Variants in CTSS observed in about 807,000 individuals in gnomAD.
The protein encoded by CTSS is cathepsin S.
CTSS carries 15 observed loss-of-function variants against 39.9 expected under a neutral mutation model. The ratio of observed to expected loss-of-function variants is 0.38; its 90% CI spans 0.25 to 0.58. CTSS has a LOEUF of 0.58. Ranked by LOEUF, CTSS falls within the 20% of genes least tolerant of loss-of-function variation. CTSS has a pLI of 0.70. For missense variants in CTSS, 250 were observed against 398.2 expected (o/e 0.63, Z 3.17); for synonymous variants, 126 against 138.2 (o/e 0.91, Z 0.62).
intron 7 of CTSS, among the ~76,000 whole-genome samples, chr1:150,743,611 TATATATGTATATTATGTATACATA>T: frequency 1.1e-5 from 1 of 93,850 alleles, no homozygotes; most frequent in Non-Finnish European, 2.3e-5. Context: ...CATAATATAT[TATATATGTATATTATGTATACATA>T]ATATATTATA....
chr1:150,733,293 A>C lies in CTSS; in HGVS notation c.897-148T>G, dbSNP rs1369486700. The stretch of plus-strand genomic sequence containing the variant: ...AATGAAATAAGGTAATAATTTCTCC[A>C]GGGATTTCAGGTAACTCAAAATAAT... On this transcript the variant is annotated intron_variant, in intron 7 of 7. Transcript: ENST00000368985. The C allele has an allele frequency of 5.1e-6, 3 of 586,688 alleles. No homozygotes were observed. In the East Asian group the frequency reaches 9.0e-5, roughly 18 times the overall value. 36.3% of individuals were successfully genotyped at this position (586,688 alleles called of 1,614,324 possible). A position where few individuals can be genotyped will look rare whatever the true frequency, so the allele number is the denominator to read the frequency against.
Position 150,730,902 on chromosome 1 carries a change from CTT to C in CTSS, c.*2142_*2143del, listed in dbSNP as rs1266520874. 6.6e-6 allele frequency: 1 copy of C among 151,876 alleles called. No individual in the cohort carries two copies. The highest frequency in any genetic ancestry group is 1.5e-5 in the Non-Finnish European group (1 of 68,016). The allele number at this position is 151,876 out of a possible 1,614,324, so 9.4% of individuals were successfully genotyped here. ...GCATATTAATATATAACAAACTTATCTTTTAACATTTTAATAACTGTATTTCG... is the reference window on the plus strand; with the variant it reads ...GCATATTAATATATAACAAACTTATCTTAACATTTTAATAACTGTATTTCG... On this transcript the variant is annotated 3_prime_UTR_variant, in exon 8 of 8. Transcript: ENST00000368985.
intron 3 of CTSS, among the ~76,000 whole-genome samples, 176 bp downstream of exon 3, chr1:150,757,682 A>G (rs1653162016): frequency 6.6e-6 from 1 of 152,222 alleles, no homozygotes; most frequent in South Asian, 2.1e-4. Context: ...CAGTCAAAAT[A>G]GAACTAAGTA....
Position 150,762,798 on chromosome 1 carries a change from G to A in CTSS, c.126+1840C>T, listed in dbSNP as rs587738678. Among the ~76,000 whole-genome samples the A allele has an allele frequency of 7.1e-4, 108 of 152,244 alleles. 1 individual carries two copies. Among genetic ancestry groups the A allele is most frequent in the Admixed American group, 1.5e-3 (23 of 15,294 alleles). ...AGTGTTGGTGAGGATGTGGAGAAAA[G>A]GGAACCCTCATACACTTTTAGTAGG... On this transcript the variant is annotated intron_variant, in intron 2 of 7. Transcript: ENST00000368985.
intron 6 of CTSS, 24 bp downstream of exon 6, chr1:150,749,982 A>G (rs1652976617): frequency 6.4e-7 from 1 of 1,566,498 alleles, no homozygotes; most frequent in South Asian, 1.1e-5. Flanking sequence ...TTAAATTCTA[A>G]TTATTGTTTA....
chr1:150,765,237 A>G (rs1653347059), intron 1 of CTSS, among the ~76,000 whole-genome samples: 1 of 151,804 alleles, frequency 6.6e-6, no homozygotes, highest in Non-Finnish European at 1.5e-5. Flanking sequence ...TTAAAAGACA[A>G]TTCTCATCTA....
At chr1:150,757,719 C>A (rs1653163220) in intron 3 of CTSS, 139 bp downstream of exon 3, 12 of 686,760 alleles carry the variant, frequency 1.7e-5, no homozygotes, top group Middle Eastern at 3.6e-4. Flanking sequence ...GTTCTTACGT[C>A]CTTCAATTCT....
At chr1:150,756,441 C>T (rs186789845) in intron 3 of CTSS, among the ~76,000 whole-genome samples, 4 of 152,288 alleles carry the variant, frequency 2.6e-5, no homozygotes, top group Admixed American at 2.6e-4. Context: ...GCATTTTGTA[C>T]TGTGCAAAAT....
intron 2 of CTSS, among the ~76,000 whole-genome samples, chr1:150,760,042 A>T (rs587675716): frequency 5.3e-5 from 8 of 152,178 alleles, no homozygotes; most frequent in Non-Finnish European, 7.4e-5. Context: ...AAAAAAAAAA[A>T]GAAGTGCACT....
At chr1:150,750,233 C>G in intron 5 of CTSS, 62 bp from the exon 6 acceptor site, 1 of 1,319,934 alleles carries the variant, frequency 7.6e-7, no homozygotes, top group Non-Finnish European at 1.0e-6. Context: ...TCACCTGTAT[C>G]CTAAGCCTGG....
rs1571101571 is a variant in CTSS, at chr1:150,751,928, C to T, written c.480G>A (p.Val160=). ...CCACCAGGTTCTGGGCACTGAGAGA[C>T]ACCAGCTTTCCTGTTTTCAGCTTCA... is the stretch of plus-strand genomic sequence containing the variant. The part of the protein sequence containing the change: ...AQLKLKTGKL[V]SLSAQNLVDC... Residue 160 remains valine, a synonymous_variant, in exon 5 of 8, where the codon GTG becomes GTA. Transcript: ENST00000368985. 1.2e-6 allele frequency: 2 copies of T among 1,614,214 alleles called. No individual in the cohort carries two copies. The highest frequency in any genetic ancestry group is 1.7e-6 in the Non-Finnish European group (2 of 1,180,036).
intron 2 of CTSS, among the ~76,000 whole-genome samples, chr1:150,763,104 T>TAA (rs202184518): frequency 6.8e-6 from 1 of 146,184 alleles, no homozygotes; most frequent in Non-Finnish European, 1.5e-5. Context: ...TATTTAGCCT[T>TAA]AAAAAAAAAA....
At chr1:150,743,709 T>A (rs868249232) in intron 7 of CTSS, among the ~76,000 whole-genome samples, 16 of 63,668 alleles carry the variant, frequency 2.5e-4, no homozygotes, top group Non-Finnish European at 3.7e-4. Context: ...CATAATATAT[T>A]ATATATTATA....
chr1:150,762,118 A>C (rs191692495), intron 2 of CTSS, among the ~76,000 whole-genome samples: 1 of 152,330 alleles, frequency 6.6e-6, no homozygotes, highest in East Asian at 1.9e-4. Flanking sequence ...CCCAGAAATA[A>C]CCTGCAACTT....
At chr1:150,743,464 G>A (rs1038591077) in intron 7 of CTSS, among the ~76,000 whole-genome samples, 31 of 143,720 alleles carry the variant, frequency 2.2e-4, no homozygotes, top group Non-Finnish European at 4.2e-4. Flanking sequence ...GGTGGCTCAC[G>A]CCTGTAATCC....
chr1:150,737,130 T>C (rs1652652901), intron 7 of CTSS, among the ~76,000 whole-genome samples: 1 of 152,040 alleles, frequency 6.6e-6, no homozygotes, highest in South Asian at 2.1e-4. Flanking sequence ...GAGACGGAGT[T>C]TCACTCTTGT....
At chr1:150,738,772 G>A (rs1197990541) in intron 7 of CTSS, among the ~76,000 whole-genome samples, 1 of 152,024 alleles carries the variant, frequency 6.6e-6, no homozygotes, top group Non-Finnish European at 1.5e-5. Context: ...CATATAAGAT[G>A]GTGAACTTAA....
Position 150,764,645 on chromosome 1 carries a change from T to C in CTSS, c.119A>G (p.Lys40Arg), listed in dbSNP as rs944738891. 6.2e-7 allele frequency: 1 copy of C among 1,614,044 alleles called. No individual in the cohort carries two copies. Residue 40 changes from lysine (K) to arginine (R), a missense_variant, in exon 2 of 8, where the codon AAG (lysine) becomes AGG (arginine). Coordinates refer to ENST00000368985, the MANE Select transcript of CTSS (RefSeq NM_004079.5). ...LWKKTYGKQYKEKNEEAVRRL... is the reference protein window; with the variant it reads ...LWKKTYGKQYREKNEEAVRRL... The stretch of plus-strand genomic sequence containing the variant: ...AGTGGCAATCCAATCTACCTTTTCC[T>C]TGTATTGTTTGCCATAGGTTTTCTT...
Position 150,764,671 on chromosome 1 carries a change from C to A in CTSS, c.93G>T (p.Trp31Cys), listed in dbSNP as rs1192738559. The change falls in exon 2 of 8, where the codon TGG (tryptophan) becomes TGT (cysteine). Residue 31 changes from tryptophan (W) to cysteine (C), a missense_variant. Transcript: ENST00000368985. The part of the protein sequence containing the change: ...DPTLDHHWHL[W>C]KKTYGKQYKE... The stretch of plus-strand genomic sequence containing the variant: ...TGTATTGTTTGCCATAGGTTTTCTT[C>A]CAGAGATGCCAGTGGTGATCCAGGG... The A allele has an allele frequency of 6.2e-7, 1 of 1,613,988 alleles. No individual in the cohort carries two copies. The highest frequency in any genetic ancestry group is 2.2e-5 in the East Asian group (1 of 44,882).
Sources: gnomAD v4.1 joint callset for allele counts (sites outside exome capture counted in the v4.1 genomes callset) on GRCh38, gnomAD v4.1.1 for gene constraint, MANE v1.5 for transcripts, NCBI Gene and HGNC (gene_info 2026-07-23, HGNC 2026-07-21) for gene names.